The following C18orf63 variants were observed in gnomAD, a reference collection of about 807,000 sequenced individuals.
The protein encoded by C18orf63 is uncharacterized protein C18orf63.
A neutral mutation model predicts 75.3 loss-of-function variants in C18orf63; 50 were observed. The observed-to-expected ratio is 0.66, with a 90% confidence interval of 0.53 to 0.84. The LOEUF (loss-of-function observed/expected upper bound fraction) is 0.84, where lower values mean the gene tolerates loss of function less well. Among genes scored for constraint, C18orf63 ranks in the 40% least tolerant of loss-of-function variants. C18orf63 has a pLI of 0.00. For missense variants in C18orf63, 732 were observed against 800.2 expected, an observed-to-expected ratio of 0.91 and a Z score of 1.03; for synonymous variants, 232 against 267.6, an observed-to-expected ratio of 0.87 and a Z score of 1.30.
intron 9 of C18orf63, 22 bp from the exon 10 acceptor site, chr18:74,342,219 A>C (rs1984500503): frequency 6.7e-7 from 1 of 1,491,668 alleles, no homozygotes; most frequent in Non-Finnish European, 9.0e-7. Context: ...AAGATATTTA[A>C]AATTTTGTGC....
At chr18:74,337,858 T>C (rs1160722607) in intron 7 of C18orf63, among the ~76,000 whole-genome samples, 1 of 152,124 alleles carries the variant, frequency 6.6e-6, no homozygotes, top group Admixed American at 6.6e-5. Flanking sequence ...ATGGAGAAGA[T>C]GGGTCTAGAT....
intron 11 of C18orf63, among the ~76,000 whole-genome samples, chr18:74,349,004 T>C (rs79446612): frequency 0.011 from 1,706 of 152,344 alleles, 19 homozygotes; most frequent in South Asian, 0.015. Flanking sequence ...ACATATTTCA[T>C]ATACCACACA....
chr18:74,318,147 C>G, intron 2 of C18orf63, 148 bp downstream of exon 2: 2 of 491,826 alleles, frequency 4.1e-6, no homozygotes, highest in East Asian at 6.5e-5. Context: ...TTGTTTTGAC[C>G]AGGTATATTG....
chr18:74,331,564 G>C (rs1984307829), intron 7 of C18orf63, among the ~76,000 whole-genome samples: 1 of 152,100 alleles, frequency 6.6e-6, no homozygotes, highest in Non-Finnish European at 1.5e-5. Flanking sequence ...AGACAATTTT[G>C]GTTATCACAG....
chr18:74,320,463 A>T, intron 2 of C18orf63, 50 bp from the exon 3 acceptor site: 1 of 1,304,316 alleles, frequency 7.7e-7, no homozygotes, highest in African/African-American at 1.5e-5. Context: ...GGGTGGGGAC[A>T]CAGAACCAAA....
Position 74,328,085 on chromosome 18 carries a change from G to T in C18orf63, c.382+27G>T, listed in dbSNP as rs149419304. The stretch of plus-strand genomic sequence containing the variant: ...TAACTTTATCTTTTTAGTCATTGGG[G>T]CTTTCTGAACTAGATTACGTCTGTT... On this transcript the variant is annotated intron_variant, in intron 5 of 13. Transcript: ENST00000579455. 5.9e-4 allele frequency: 778 copies of T among 1,323,112 alleles called. 6 individuals carry two copies. The African/African-American group carries it at 0.01, about 17-fold the overall frequency. The allele number at this position is 1,323,112 out of a possible 1,614,324, so 82.0% of individuals were successfully genotyped here.
chr18:74,353,338 A>G lies in C18orf63; in HGVS notation c.1071A>G (p.Gln357=), dbSNP rs1378102736. The part of the protein sequence containing the change: ...QATSRKPACA[Q]SLLPCSVAVD... ...CTTCCAGAAAGCCTGCCTGTGCTCA[A>G]AGTCTTCTACCATGTTCAGTAGCAG... The change falls in exon 12 of 14, where the codon CAA becomes CAG. Residue 357 remains glutamine (Q), a synonymous_variant. Coordinates refer to ENST00000579455, the MANE Select transcript of C18orf63 (RefSeq NM_001174123.2). The G allele has an allele frequency of 1.3e-6, 2 of 1,535,994 alleles. No individual in the cohort carries two copies. Among genetic ancestry groups the G allele is most frequent in the Non-Finnish European group, 1.7e-6 (2 of 1,146,548 alleles).
At position 74,353,722 on chromosome 18, in the gene C18orf63, A is replaced by G; in HGVS notation, c.1455A>G (p.Pro485=). Residue 485 remains proline (P), a synonymous_variant, in exon 12 of 14, where the codon CCA becomes CCG. Coordinates refer to ENST00000579455, the MANE Select transcript of C18orf63 (RefSeq NM_001174123.2). ...AGCATGACAAACTGAATTTAGGTCCAGCTATAAAAAACCGTTATAGTAGTA... is the reference window on the plus strand; with the variant it reads ...AGCATGACAAACTGAATTTAGGTCCGGCTATAAAAAACCGTTATAGTAGTA... ...MIQHDKLNLG[P]AIKNRYSSNI... 14 of 1,536,106 alleles carry G rather than the reference A, an allele frequency of 9.1e-6. No individual in the cohort carries two copies. Among genetic ancestry groups the G allele is most frequent in the Non-Finnish European group, 1.2e-5 (14 of 1,146,862 alleles).
intron 10 of C18orf63, among the ~76,000 whole-genome samples, chr18:74,342,728 A>C (rs1395370114): frequency 6.6e-6 from 1 of 152,158 alleles, no homozygotes; most frequent in Admixed American, 6.5e-5. Context: ...AGATTATCTA[A>C]TTTTATAGGC....
In C18orf63 at chr18:74,327,965, G is replaced by C; in HGVS notation, c.289G>C (p.Val97Leu). The C allele has an allele frequency of 6.5e-7, 1 of 1,534,826 alleles. No individual in the cohort carries two copies. The highest frequency in any genetic ancestry group is 8.7e-7 in the Non-Finnish European group (1 of 1,145,738). Reference protein sequence around the residue: ...YGAKMEAPQRVIPVILQNCLS... With the variant: ...YGAKMEAPQRLIPVILQNCLS... ...TTTTTAGATGGAGGCTCCACAAAGA[G>C]TAATTCCTGTAATTCTTCAGAACTG... is the stretch of plus-strand genomic sequence containing the variant. The change falls in exon 5 of 14, where the codon GTA (valine) becomes CTA (leucine). Residue 97 changes from valine (V) to leucine (L), a missense_variant. This residue lies in a region of C18orf63 where 233 missense variants were observed against 272.7 expected (regional missense o/e 0.85). Coordinates refer to ENST00000579455, the MANE Select transcript of C18orf63 (RefSeq NM_001174123.2).
At chr18:74,326,049 GC>G (rs150526353) in intron 4 of C18orf63, among the ~76,000 whole-genome samples, 3,213 of 152,270 alleles carry the variant, frequency 0.021, 99 homozygotes, top group African/African-American at 0.068. Context: ...AATCCACCTG[GC>G]CTTCTGAGGA....
At chr18:74,351,631 C>A (rs1482324523) in intron 11 of C18orf63, among the ~76,000 whole-genome samples, 1 of 152,106 alleles carries the variant, frequency 6.6e-6, no homozygotes, top group Non-Finnish European at 1.5e-5. Context: ...CCAAGCCAAC[C>A]CCCAGAATAG....
At chr18:74,337,407 T>C (rs1424309048) in intron 7 of C18orf63, among the ~76,000 whole-genome samples, 1 of 152,100 alleles carries the variant, frequency 6.6e-6, no homozygotes, top group Non-Finnish European at 1.5e-5. Context: ...CTCTGAATAC[T>C]GTAGAAAGTA....
chr18:74,343,075 A>C (rs1984515446), intron 10 of C18orf63, among the ~76,000 whole-genome samples: 1 of 152,190 alleles, frequency 6.6e-6, no homozygotes, highest in African/African-American at 2.4e-5. Context: ...GTTTCATCAG[A>C]AAAAGTAACT....
intron 10 of C18orf63, 84 bp downstream of exon 10, chr18:74,342,410 C>A: frequency 1.3e-6 from 1 of 775,644 alleles, no homozygotes; most frequent in Non-Finnish European, 2.1e-6. Flanking sequence ...TCATACTTTT[C>A]AACCTTCTTT....
intron 6 of C18orf63, among the ~76,000 whole-genome samples, chr18:74,330,424 AT>A (rs1445914630): frequency 6.6e-6 from 1 of 152,064 alleles, no homozygotes; most frequent in Non-Finnish European, 1.5e-5. Flanking sequence ...GCTCTAGGAG[AT>A]TTGGAATATA....
chr18:74,356,155 A>G (rs187128702), intron 13 of C18orf63, among the ~76,000 whole-genome samples: 1 of 152,314 alleles, frequency 6.6e-6, no homozygotes, highest in Non-Finnish European at 1.5e-5. Context: ...GTGGGGTACA[A>G]GTGCAACTTT....
Position 74,342,045 on chromosome 18 carries a change from C to G in C18orf63, c.625C>G (p.Gln209Glu). Residue 209 changes from glutamine to glutamate, a missense_variant, in exon 9 of 14, where the codon CAA becomes GAA. Coordinates refer to ENST00000579455, the MANE Select transcript of C18orf63 (RefSeq NM_001174123.2). ...CYVLPSMKMG[Q>E]IINIFHAIPA... is the part of the protein sequence containing the mutation. ...CATTTTTCATAGTATGAAAATGGGA[C>G]AAATTATAAATATTTTTCATGCCAT... 6.6e-7 allele frequency: 1 copy of G among 1,511,378 alleles called. No homozygotes were observed. Among genetic ancestry groups the G allele is most frequent in the Non-Finnish European group, 8.9e-7 (1 of 1,126,482 alleles). The allele number at this position is 1,511,378 out of a possible 1,614,324, so 93.6% of individuals were successfully genotyped here.
intron 4 of C18orf63, among the ~76,000 whole-genome samples, chr18:74,327,148 T>C (rs1984222392): frequency 6.6e-6 from 1 of 152,132 alleles, no homozygotes. Flanking sequence ...ACAAGTTTTA[T>C]TGTGAGTCTG....
Sources: allele counts gnomAD v4.1 joint callset (sites outside exome capture counted in the v4.1 genomes callset), GRCh38; gene constraint gnomAD v4.1.1; regional missense constraint gnomAD v4.1.1; transcripts MANE v1.5; gene names NCBI Gene and HGNC (gene_info 2026-07-23, HGNC 2026-07-21).